FUT8: variants seen among roughly 807,000 people sequenced by gnomAD.
FUT8 encodes the protein alpha-(1,6)-fucosyltransferase.
Under a neutral mutation model 71.3 loss-of-function variants are expected in FUT8, and 29 were observed. The ratio of observed to expected loss-of-function variants is 0.41; its 90% CI spans 0.30 to 0.55. FUT8 has a LOEUF of 0.55. Among genes scored for constraint, FUT8 ranks in the 20% least tolerant of loss-of-function variants. The pLI is 0.34. For synonymous variants in FUT8, 254 were observed against 239.3 expected (o/e 1.06, Z -0.57); for missense variants, 544 against 702.1 (o/e 0.77, Z 2.55).
chr14:65,575,135 G>A, intron 3 of FUT8, among the ~76,000 whole-genome samples: 1 of 151,190 alleles, frequency 6.6e-6, no homozygotes, highest in East Asian at 1.9e-4. Context: ...GTCTAGGAGT[G>A]CCTCTGGACG....
chr14:65,583,964 C>G (rs974802199), intron 3 of FUT8, among the ~76,000 whole-genome samples: 2 of 152,200 alleles, frequency 1.3e-5, no homozygotes, highest in African/African-American at 4.8e-5. Flanking sequence ...ACTGCGAGCT[C>G]TGCCTCTCCG....
intron 1 of FUT8, among the ~76,000 whole-genome samples, chr14:65,436,908 C>G (rs1024092364): frequency 6.6e-6 from 1 of 152,162 alleles, no homozygotes; most frequent in Non-Finnish European, 1.5e-5. Flanking sequence ...CAATGTTTCT[C>G]TGAAATGAAA....
intron 2 of FUT8, among the ~76,000 whole-genome samples, chr14:65,509,202 T>G (rs1882173647): frequency 6.6e-6 from 1 of 152,170 alleles, no homozygotes; most frequent in African/African-American, 2.4e-5. Context: ...CCATGTATGT[T>G]TTTGGCACCT....
At chr14:65,428,965 T>A (rs1302367895) in intron 1 of FUT8, among the ~76,000 whole-genome samples, 1 of 152,178 alleles carries the variant, frequency 6.6e-6, no homozygotes, top group Non-Finnish European at 1.5e-5. Context: ...TTGGGAAGGT[T>A]GTCCTAGAGG....
At chr14:65,501,362 G>A (rs1264694384) in intron 2 of FUT8, among the ~76,000 whole-genome samples, 2 of 152,198 alleles carry the variant, frequency 1.3e-5, no homozygotes, top group Non-Finnish European at 2.9e-5. Flanking sequence ...TATTCATATG[G>A]TTGAGGGGGA....
chr14:65,721,805 T>C lies in FUT8; in HGVS notation c.866T>C (p.Val289Ala). 6.2e-7 allele frequency: 1 copy of C among 1,614,180 alleles called. No homozygotes were observed. The highest frequency in any genetic ancestry group is 8.5e-7 in the Non-Finnish European group (1 of 1,180,010). Residue 289 changes from valine (V) to alanine (A), a missense_variant, in exon 8 of 11, where the codon GTC becomes GCC. Coordinates refer to ENST00000673929, the MANE Select transcript of FUT8 (RefSeq NM_001371533.1). ...GEVKDKNVQVVELPIVDSLHP... is the reference protein window; with the variant it reads ...GEVKDKNVQVAELPIVDSLHP... ...GTGAAGGACAAAAATGTTCAAGTGG[T>C]CGAGCTTCCCATTGTAGACAGTCTT...
chr14:65,686,447 A>G (rs1049314008), intron 7 of FUT8, among the ~76,000 whole-genome samples: 21 of 152,222 alleles, frequency 1.4e-4, no homozygotes, highest in African/African-American at 5.1e-4. Context: ...ACCCATTATC[A>G]TGGAACTGTG....
chr14:65,493,949 C>T (rs1263197085), intron 2 of FUT8, among the ~76,000 whole-genome samples: 3 of 152,048 alleles, frequency 2.0e-5, no homozygotes, highest in African/African-American at 7.2e-5. Flanking sequence ...AACCTGGAAG[C>T]AGATGAGTGA....
chr14:65,517,685 TACTTTCCTTCTACCAA>T (rs1237907955), intron 2 of FUT8, among the ~76,000 whole-genome samples: 1 of 152,192 alleles, frequency 6.6e-6, no homozygotes, highest in African/African-American at 2.4e-5. Flanking sequence ...TTAGGTGAGT[TACTTTCCTTCTACCAA>T]ACTGCCACCT....
intron 2 of FUT8, among the ~76,000 whole-genome samples, chr14:65,470,218 G>A (rs73284121): frequency 0.12 from 18,792 of 152,280 alleles, 1,493 homozygotes; most frequent in East Asian, 0.38. Flanking sequence ...TGGAGCCGGT[G>A]CGGGAAGTGG....
At chr14:65,454,070 T>C (rs1338039179) in intron 1 of FUT8, among the ~76,000 whole-genome samples, 2 of 152,236 alleles carry the variant, frequency 1.3e-5, no homozygotes, top group African/African-American at 4.8e-5. Flanking sequence ...AACTGTCATG[T>C]ATTTTGTCTG....
At chr14:65,491,787 A>G (rs2066485812) in intron 2 of FUT8, among the ~76,000 whole-genome samples, 1 of 152,172 alleles carries the variant, frequency 6.6e-6, no homozygotes. Context: ...CTTTAGTAAG[A>G]TAGGAAAAGT....
At chr14:65,389,188 A>AT in the FUT8 span, among the ~76,000 whole-genome samples, 1 of 149,818 alleles carries the variant, frequency 6.7e-6, no homozygotes, top group African/African-American at 2.5e-5. Context: ...TATATAAAAA[A>AT]ATTATTTTTT....
intron 7 of FUT8, among the ~76,000 whole-genome samples, chr14:65,693,090 C>G (rs1893777606): frequency 6.6e-6 from 1 of 152,210 alleles, no homozygotes; most frequent in African/African-American, 2.4e-5. Flanking sequence ...ACGCTCCTCA[C>G]TTCCCAGACG....
intron 7 of FUT8, among the ~76,000 whole-genome samples, chr14:65,676,561 C>G (rs1409573211): frequency 6.6e-6 from 1 of 152,000 alleles, no homozygotes; most frequent in Non-Finnish European, 1.5e-5. Flanking sequence ...AATCTTTTTT[C>G]TAATAGGAGC....
chr14:65,720,908 T>A (rs1486094694), intron 7 of FUT8, among the ~76,000 whole-genome samples: 1 of 152,110 alleles, frequency 6.6e-6, no homozygotes, highest in Non-Finnish European at 1.5e-5. Context: ...CTGGTGTTGC[T>A]TTCTGCTGTG....
chr14:65,740,240 ATATC>A (rs1394067315), intron 10 of FUT8, among the ~76,000 whole-genome samples: 4 of 152,058 alleles, frequency 2.6e-5, no homozygotes, highest in Non-Finnish European at 5.9e-5. Context: ...TTTTGGTTCT[ATATC>A]TAGTTGAAAT....
intron 1 of FUT8, among the ~76,000 whole-genome samples, chr14:65,416,191 T>C (rs1324248098): frequency 1.3e-5 from 2 of 152,142 alleles, no homozygotes; most frequent in South Asian, 2.1e-4. Flanking sequence ...AATTGATAAA[T>C]ATAAAAGAAA....
chr14:65,467,950 G>A lies in FUT8; in HGVS notation c.-228+12232G>A, dbSNP rs909752848. ...TTCTCTTTGGCTTCTTTCTTTTTCC[G>A]ATCATTTTCCTTTACGTGTTTCAGG... On this transcript the variant is annotated intron_variant, in intron 2 of 10. Coordinates refer to ENST00000673929, the MANE Select transcript of FUT8 (RefSeq NM_001371533.1). The surrounding 1 kb of genome is among the most constrained non-coding windows in gnomAD (Gnocchi z 4.1). 7 of 729,952 alleles carry A rather than the reference G, an allele frequency of 9.6e-6. No homozygotes were observed. The highest frequency in any genetic ancestry group is 5.5e-5 in the South Asian group (4 of 72,144). 45.2% of individuals were successfully genotyped at this position (729,952 alleles called of 1,614,324 possible).
Sources: allele counts gnomAD v4.1 joint callset (sites outside exome capture counted in the v4.1 genomes callset), GRCh38; gene constraint gnomAD v4.1.1; non-coding constraint Gnocchi (gnomAD v3.1); transcripts MANE v1.5; gene names NCBI Gene and HGNC (gene_info 2026-07-23, HGNC 2026-07-21).